NKAIN3: variants seen among roughly 807,000 people sequenced by gnomAD.
NKAIN3 encodes the protein sodium/potassium-transporting ATPase subunit beta-1-interacting protein 3.
In NKAIN3, 25 loss-of-function variants were observed where a neutral mutation model predicts 30.2. That is an observed-to-expected ratio of 0.83 (90% CI 0.60 to 1.16). The LOEUF (loss-of-function observed/expected upper bound fraction) is 1.16, where lower values mean the gene tolerates loss of function less well. NKAIN3 is among the 50% of genes most tolerant of loss of function. NKAIN3 has a pLI of 0.00. For missense variants in NKAIN3, 225 were observed against 254.1 expected, an observed-to-expected ratio of 0.89 and a Z score of 0.78; for synonymous variants, 91 against 89.6, an observed-to-expected ratio of 1.02 and a Z score of -0.09.
intron 4 of NKAIN3, among the ~76,000 whole-genome samples, chr8:62,751,546 C>T (rs1477593680): frequency 6.6e-6 from 1 of 152,136 alleles, no homozygotes; most frequent in Non-Finnish European, 1.5e-5. Context: ...ATGATATGCA[C>T]TCTTCTGAGC....
intron 1 of NKAIN3, among the ~76,000 whole-genome samples, chr8:62,441,072 A>G (rs1257685228): frequency 1.3e-5 from 2 of 151,958 alleles, no homozygotes; most frequent in African/African-American, 4.8e-5. Context: ...TCCTATTTCT[A>G]CTTTGTTTTA....
At chr8:62,790,210 A>C (rs982302703) in intron 4 of NKAIN3, among the ~76,000 whole-genome samples, 1 of 152,166 alleles carries the variant, frequency 6.6e-6, no homozygotes, top group Non-Finnish European at 1.5e-5. Context: ...AAAGACAAAA[A>C]CCACATGATT....
In NKAIN3 at chr8:62,953,922, G is replaced by C. The variant is rs1823350738; in HGVS notation, c.553G>C (p.Asp185His). The change falls in exon 6 of 7, where the codon GAT becomes CAT. Residue 185 changes from aspartate to histidine, a missense_variant. Asp to His is a moderately conservative substitution (Grantham distance 81). Transcript: ENST00000623646. ...EDTFDFIGGL[D>H]THSYYQDHVE... is the part of the protein sequence containing the mutation. The stretch of plus-strand genomic sequence containing the variant: ...TTCAGTTGATTTCATAGGTGGACTT[G>C]ATACACACTCCTACTACCAGGATCA... 1 of 979,774 alleles carries C rather than the reference G, an allele frequency of 1.0e-6. No individual in the cohort carries two copies. Among genetic ancestry groups the C allele is most frequent in the African/African-American group, 1.8e-5 (1 of 57,080 alleles). 60.7% of individuals were successfully genotyped at this position (979,774 alleles called of 1,614,324 possible).
At chr8:62,412,925 A>AAC (rs1297881247) in intron 1 of NKAIN3, among the ~76,000 whole-genome samples, 1 of 129,774 alleles carries the variant, frequency 7.7e-6, no homozygotes, top group Non-Finnish European at 1.7e-5. Context: ...AAAAAAACAA[A>AAC]AAAAAAAAAA....
intron 5 of NKAIN3, among the ~76,000 whole-genome samples, chr8:62,919,728 G>C (rs1171562118): frequency 6.6e-6 from 1 of 151,980 alleles, no homozygotes; most frequent in Non-Finnish European, 1.5e-5. Flanking sequence ...ACCTCAAAGG[G>C]GTCTGATGAA....
chr8:62,582,621 C>T (rs1810342395), intron 2 of NKAIN3, among the ~76,000 whole-genome samples: 1 of 152,042 alleles, frequency 6.6e-6, no homozygotes, highest in African/African-American at 2.4e-5. Flanking sequence ...GGGCCGGAGG[C>T]ACCACAAGGT....
chr8:62,851,227 G>T (rs1819885960), intron 4 of NKAIN3, among the ~76,000 whole-genome samples: 2 of 152,130 alleles, frequency 1.3e-5, no homozygotes, highest in Admixed American at 1.3e-4. Context: ...AATTGTGAAT[G>T]GGAGTTCCCT....
At chr8:62,368,823 T>A (rs1053386728) in intron 1 of NKAIN3, among the ~76,000 whole-genome samples, 2 of 17,596 alleles carry the variant, frequency 1.1e-4, no homozygotes, top group Non-Finnish European at 6.7e-4. Context: ...CTTTTTCTTG[T>A]TTTTTTTTTT....
chr8:62,914,823 C>T (rs1198346660), intron 4 of NKAIN3, among the ~76,000 whole-genome samples: 1 of 133,068 alleles, frequency 7.5e-6, no homozygotes, highest in Non-Finnish European at 1.5e-5. Flanking sequence ...TACTGGGATA[C>T]ATGTGCAGAA....
At chr8:62,704,519 T>C (rs1458481383) in intron 3 of NKAIN3, among the ~76,000 whole-genome samples, 1 of 152,194 alleles carries the variant, frequency 6.6e-6, no homozygotes, top group Non-Finnish European at 1.5e-5. Context: ...GTCTAACAAT[T>C]CTTAGTTGTA....
Position 62,589,695 on chromosome 8 carries a change from C to T in NKAIN3, c.193-19C>T. 1.6e-6 allele frequency: 2 copies of T among 1,252,712 alleles called. No individual in the cohort carries two copies. The highest frequency in any genetic ancestry group is 1.3e-5 in the South Asian group (1 of 74,778). The allele number at this position is 1,252,712 out of a possible 1,614,324, so 77.6% of individuals were successfully genotyped here. A position where few individuals can be genotyped will look rare whatever the true frequency, so the allele number is the denominator to read the frequency against. ...CTCCATATTTTTCTTCTCTTTCTCC[C>T]TCCCCCATTTCTATCTAGTATACAG... On this transcript the variant is annotated intron_variant, in intron 2 of 6. Transcript: ENST00000623646.
At chr8:62,630,842 T>A (rs1173243201) in intron 3 of NKAIN3, among the ~76,000 whole-genome samples, 2 of 152,154 alleles carry the variant, frequency 1.3e-5, no homozygotes, top group African/African-American at 4.8e-5. Flanking sequence ...TATTTCTTCA[T>A]CTGTTTTTCT....
chr8:62,317,739 A>C (rs1038420913), intron 1 of NKAIN3, among the ~76,000 whole-genome samples: 2 of 152,236 alleles, frequency 1.3e-5, no homozygotes, highest in African/African-American at 4.8e-5. Context: ...CTTTTGGCTT[A>C]GGATTGACTT....
intron 4 of NKAIN3, among the ~76,000 whole-genome samples, chr8:62,913,546 A>G (rs1366455680): frequency 6.6e-6 from 1 of 152,242 alleles, no homozygotes; most frequent in Non-Finnish European, 1.5e-5. Flanking sequence ...TGTTGGGTGT[A>G]TTGAGATGAA....
At chr8:62,922,929 G>A (rs1822326662) in intron 5 of NKAIN3, among the ~76,000 whole-genome samples, 2 of 152,038 alleles carry the variant, frequency 1.3e-5, no homozygotes, top group South Asian at 4.1e-4. Context: ...GATCTATGAA[G>A]GTAGAATCTT....
intron 3 of NKAIN3, among the ~76,000 whole-genome samples, chr8:62,621,684 C>T (rs539404628): frequency 1.3e-5 from 2 of 152,040 alleles, no homozygotes; most frequent in South Asian, 4.2e-4. Context: ...TCTTGTGTAC[C>T]CTTTTTAATT....
rs544450272 is a variant in NKAIN3 at position 62,980,108 on chromosome 8, T to C, written c.*14701T>C. ...CCTGGCTGCCACCTTCTTTCTTTAC[T>C]CTTGGTTTAAATGTAATCCCACATG... On this transcript the variant is annotated 3_prime_UTR_variant, in exon 7 of 7. Coordinates refer to ENST00000623646, the MANE Select transcript of NKAIN3 (RefSeq NM_001304533.3). The C allele has an allele frequency of 2.0e-5, 3 of 152,350 alleles. No individual in the cohort carries two copies. In the South Asian group the frequency reaches 6.2e-4, roughly 32 times the overall value. 9.4% of individuals were successfully genotyped at this position (152,350 alleles called of 1,614,324 possible). A position where few individuals can be genotyped will look rare whatever the true frequency, so the allele number is the denominator to read the frequency against.
chr8:62,766,846 A>C (rs1174745329), intron 4 of NKAIN3, among the ~76,000 whole-genome samples: 1 of 152,116 alleles, frequency 6.6e-6, no homozygotes, highest in Non-Finnish European at 1.5e-5. Context: ...AACCTATGAC[A>C]TTCCAGGATG....
intron 4 of NKAIN3, among the ~76,000 whole-genome samples, chr8:62,870,097 A>G (rs1434746421): frequency 6.6e-6 from 1 of 151,024 alleles, no homozygotes; most frequent in Non-Finnish European, 1.5e-5. Flanking sequence ...AGGCTTTTGG[A>G]TGTGGACTGA....
Sources: gnomAD v4.1 joint callset for allele counts (sites outside exome capture counted in the v4.1 genomes callset) on GRCh38, gnomAD v4.1.1 for gene constraint, MANE v1.5 for transcripts, NCBI Gene and HGNC (gene_info 2026-07-23, HGNC 2026-07-21) for gene names.